Variants in DPP9 observed in about 807,000 individuals in gnomAD.
DPP9 encodes the protein dipeptidyl peptidase IV-related protein-2.
DPP9 carries 50 observed loss-of-function variants against 110.7 expected under a neutral mutation model. That is an observed-to-expected ratio of 0.45 (90% CI 0.36 to 0.57). DPP9 has a LOEUF of 0.57. Ranked by LOEUF, DPP9 falls within the 20% of genes least tolerant of loss-of-function variation. The pLI, the probability that DPP9 is intolerant of heterozygous loss-of-function variation, is 0.00. For missense variants in DPP9, 1,022 were observed against 1,217.9 expected, an observed-to-expected ratio of 0.84 and a Z score of 2.39; for synonymous variants, 561 against 514.4, an observed-to-expected ratio of 1.09 and a Z score of -1.23.
intron 13 of DPP9, among the ~76,000 whole-genome samples, 161 bp from the exon 14 acceptor site, chr19:4,691,118 G>C (rs185035091): frequency 2.0e-5 from 3 of 152,250 alleles, no homozygotes; most frequent in Admixed American, 2.0e-4. Flanking sequence ...CGTCAGACCT[G>C]CCACATGGGC....
rs1305337931 is a variant in DPP9 at position 4,690,976 on chromosome 19, G to A, written c.1517-19C>T. The A allele has an allele frequency of 6.3e-7, 1 of 1,594,128 alleles. No individual in the cohort carries two copies. The highest frequency in any genetic ancestry group is 1.3e-5 in the African/African-American group (1 of 74,588). Reference sequence around the variant, plus strand: ...AATTCATCTGGAAAGAAAGAAAGAAGGGAGGTGAAGGGGCCTGGGAGGTGA... The same window carrying A: ...AATTCATCTGGAAAGAAAGAAAGAAAGGAGGTGAAGGGGCCTGGGAGGTGA... On this transcript the variant is annotated intron_variant, in intron 13 of 21. Transcript: ENST00000262960.
rs568052112 is a variant in DPP9, at chr19:4,689,036, C to T, written c.1750-144G>A. ...TGTCATGAAACCTCAAAGCTCCACC[C>T]GCTGCTGCAAGGGGGGCACCACTGC... On this transcript the variant is annotated intron_variant, in intron 15 of 21. Coordinates refer to ENST00000262960, the MANE Select transcript of DPP9 (RefSeq NM_139159.5). This position sits in a 1 kb window ranked among gnomAD's most constrained non-coding sequence, Gnocchi z 7.0. 4.1e-5 allele frequency: 44 copies of T among 1,067,964 alleles called. 1 individual carries two copies. The highest frequency in any genetic ancestry group is 2.3e-4 in the South Asian group (11 of 47,516). The allele number at this position is 1,067,964 out of a possible 1,614,324, so 66.2% of individuals were successfully genotyped here. A position where few individuals can be genotyped will look rare whatever the true frequency, so the allele number is the denominator to read the frequency against.
At position 4,694,607 on chromosome 19, in the gene DPP9, G is replaced by A. The variant is rs979128209; in HGVS notation, c.1516+54C>T. ...CCGACCAATGAACAAACAGCATATT[G>A]AACCACACGTGACTAACGCGATGAG... On this transcript the variant is annotated intron_variant, in intron 13 of 21. Transcript: ENST00000262960. The surrounding 1 kb of genome is among the most constrained non-coding windows in gnomAD (Gnocchi z 4.0). 3.2e-6 allele frequency: 5 copies of A among 1,570,432 alleles called. No individual in the cohort carries two copies. The African/African-American group carries it at 4.1e-5, about 13-fold the overall frequency.
chr19:4,685,918 A>G lies in DPP9; in HGVS notation c.1886-147T>C, dbSNP rs7256614. ...TCCCGAGAGTTGATAATTGAAAAAA[A>G]CGTTTTTTTTTCATTAAATAAGATT... On this transcript the variant is annotated intron_variant, in intron 16 of 21. Transcript: ENST00000262960. This position sits in a 1 kb window ranked among gnomAD's most constrained non-coding sequence, Gnocchi z 5.8. The G allele has an allele frequency of 1.1e-6, 1 of 942,828 alleles. No individual in the cohort carries two copies. The highest frequency in any genetic ancestry group is 1.5e-6 in the Non-Finnish European group (1 of 653,616). The allele number at this position is 942,828 out of a possible 1,614,324, so 58.4% of individuals were successfully genotyped here.
chr19:4,699,378 G>A (rs747670395), intron 10 of DPP9, among the ~76,000 whole-genome samples: 12 of 151,942 alleles, frequency 7.9e-5, no homozygotes, highest in African/African-American at 1.2e-4. Flanking sequence ...CTCTGTCTGC[G>A]AGTTCTCCAA....
In DPP9 at chr19:4,710,979, C is replaced by T. The variant is rs1474205480; in HGVS notation, c.313+3102G>A. 2.6e-5 allele frequency among the ~76,000 whole-genome samples: 4 copies of T among 152,192 alleles called. No homozygotes were observed. Among genetic ancestry groups the T allele is most frequent in the Admixed American group, 6.5e-5 (1 of 15,282 alleles). ...CACACACGAGCCACAGGCGACCCGACGATCTCATCTATGCGGAGTCAATCT... is the reference window on the plus strand; with the variant it reads ...CACACACGAGCCACAGGCGACCCGATGATCTCATCTATGCGGAGTCAATCT... On this transcript the variant is annotated intron_variant, in intron 4 of 21. Coordinates refer to ENST00000262960, the MANE Select transcript of DPP9 (RefSeq NM_139159.5). The surrounding 1 kb of genome is among the most constrained non-coding windows in gnomAD (Gnocchi z 5.6).
At chr19:4,692,875 C>T (rs577141968) in intron 13 of DPP9, among the ~76,000 whole-genome samples, 15 of 152,254 alleles carry the variant, frequency 9.9e-5, no homozygotes, top group African/African-American at 2.9e-4. Context: ...CTGCACTGGC[C>T]GCATCCCACC....
At chr19:4,683,751 CCCCCTGT>C (rs1445347632) in intron 18 of DPP9, 122 bp from the exon 19 acceptor site, 1 of 1,597,528 alleles carries the variant, frequency 6.3e-7, no homozygotes, top group African/African-American at 1.3e-5. Flanking sequence ...TCGCTGGAAG[CCCCCTGT>C]CCTTCCAGGC....
At chr19:4,697,133 A>G (rs977868353) in intron 11 of DPP9, among the ~76,000 whole-genome samples, 2 of 151,164 alleles carry the variant, frequency 1.3e-5, no homozygotes, top group Non-Finnish European at 2.9e-5. Flanking sequence ...GAATTTGCCC[A>G]CTGGGGTTTG....
At position 4,682,787 on chromosome 19, in the gene DPP9, A is replaced by G. The variant is rs1206017353; in HGVS notation, c.2383T>C (p.Tyr795His). Residue 795 changes from tyrosine (Y) to histidine (H), a missense_variant, in exon 20 of 22, where the codon TAC becomes CAC. By Grantham distance (83) the Tyr-to-His change is moderately conservative. Transcript: ENST00000262960. This position sits in a 1 kb window ranked among gnomAD's most constrained non-coding sequence, Gnocchi z 7.1. ...VTVWMAYDTG[Y>H]TERYMDVPEN... is the part of the protein sequence containing the mutation. ...GGGACGTCCATGTAGCGCTCAGTGT[A>G]CCCTGTGTCGTAGGCCATCCAGACG... 1 of 1,599,872 alleles carries G rather than the reference A, an allele frequency of 6.3e-7. No homozygotes were observed. Among genetic ancestry groups the G allele is most frequent in the Non-Finnish European group, 8.5e-7 (1 of 1,173,718 alleles).
At chr19:4,697,788 G>A (rs1157947659) in intron 10 of DPP9, 137 bp from the exon 11 acceptor site, 20 of 667,102 alleles carry the variant, frequency 3.0e-5, no homozygotes, top group Middle Eastern at 2.6e-4. Flanking sequence ...ACCCCAGAAC[G>A]CAACCTTCTT....
rs199614382 is a variant in DPP9 at position 4,688,922 on chromosome 19, C to A, written c.1750-30G>T. 538 of 1,506,454 alleles carry A rather than the reference C, an allele frequency of 3.6e-4. 7 individuals carry two copies. In the South Asian group the frequency reaches 5.9e-3, roughly 16 times the overall value. 93.3% of individuals were successfully genotyped at this position (1,506,454 alleles called of 1,614,324 possible). A position where few individuals can be genotyped will look rare whatever the true frequency, so the allele number is the denominator to read the frequency against. On this transcript the variant is annotated intron_variant, in intron 15 of 21. Coordinates refer to ENST00000262960, the MANE Select transcript of DPP9 (RefSeq NM_139159.5). ...GGGTGGAATGGGGTGATGAGCTCCA[C>A]GGGATGCCGCTGCGCCCTTTCCACT...
rs766765992 is a variant in DPP9, at chr19:4,679,957, G to A, written c.2475-11C>T. On this transcript the variant is annotated splice_polypyrimidine_tract_variant and intron_variant, in intron 20 of 21. Coordinates refer to ENST00000262960, the MANE Select transcript of DPP9 (RefSeq NM_139159.5). ...AGCAAGCGGTTGGGCCTGGAAAACA[G>A]ATGGGGAAGGGTCTGAGGCCAGGGA... 3.7e-6 allele frequency: 6 copies of A among 1,601,072 alleles called. No individual in the cohort carries two copies. The highest frequency in any genetic ancestry group is 5.1e-6 in the Non-Finnish European group (6 of 1,171,470).
At chr19:4,688,711 GC>G in intron 16 of DPP9, 45 bp downstream of exon 16, 1 of 1,379,680 alleles carries the variant, frequency 7.2e-7, no homozygotes, top group East Asian at 3.0e-5. Flanking sequence ...CCGTTTTACA[GC>G]CGGGCGGGCG....
At chr19:4,699,584 T>C (rs1358069324) in intron 10 of DPP9, among the ~76,000 whole-genome samples, 1 of 152,046 alleles carries the variant, frequency 6.6e-6, no homozygotes, top group African/African-American at 2.4e-5. Context: ...TGTGGTCTGC[T>C]GGTGACCGCC....
At position 4,694,174 on chromosome 19, in the gene DPP9, A is replaced by G. The variant is rs1324856701; in HGVS notation, c.1516+487T>C. 1 of 182,122 alleles carries G rather than the reference A, an allele frequency of 5.5e-6. No homozygotes were observed. Among genetic ancestry groups the G allele is most frequent in the Non-Finnish European group, 1.1e-5 (1 of 88,570 alleles). 11.3% of individuals were successfully genotyped at this position (182,122 alleles called of 1,614,324 possible). On this transcript the variant is annotated intron_variant, in intron 13 of 21. Coordinates refer to ENST00000262960, the MANE Select transcript of DPP9 (RefSeq NM_139159.5). The surrounding 1 kb of genome is among the most constrained non-coding windows in gnomAD (Gnocchi z 4.0). Reference sequence around the variant, plus strand: ...CCTTTTTCTTTATTTACAGTGAACAATTCCATCACAGCTACCTACAGCAGG... The same window carrying G: ...CCTTTTTCTTTATTTACAGTGAACAGTTCCATCACAGCTACCTACAGCAGG...
At position 4,700,026 on chromosome 19, in the gene DPP9, C is replaced by A. The variant is rs541444552; in HGVS notation, c.1074+190G>T. ...GTGAGGCAGGGAGGCCAGCTCGCCA[C>A]GCCGCATTCTAGGCACAGGTCCAGA... is the stretch of plus-strand genomic sequence containing the variant. On this transcript the variant is annotated intron_variant, in intron 10 of 21. Coordinates refer to ENST00000262960, the MANE Select transcript of DPP9 (RefSeq NM_139159.5). The surrounding 1 kb of genome is among the most constrained non-coding windows in gnomAD (Gnocchi z 4.3). Among the ~76,000 whole-genome samples, 2 of 152,200 alleles carry A rather than the reference C, an allele frequency of 1.3e-5. No homozygotes were observed. The highest frequency in any genetic ancestry group is 2.9e-5 in the Non-Finnish European group (2 of 68,032).
At position 4,701,991 on chromosome 19, in the gene DPP9, C is replaced by G. The variant is rs776434908; in HGVS notation, c.1012+36G>C. On this transcript the variant is annotated intron_variant, in intron 9 of 21. Transcript: ENST00000262960. ...CAGCCATGCCCCAGGGGCCTCAGAT[C>G]CCCGGCCCAGCCCCTCACATGTACC... is the stretch of plus-strand genomic sequence containing the variant. The G allele has an allele frequency of 5.0e-6, 8 of 1,601,236 alleles. No individual in the cohort carries two copies. The African/African-American group carries it at 8.0e-5, about 16-fold the overall frequency.
chr19:4,691,734 A>G (rs536176902), intron 13 of DPP9, among the ~76,000 whole-genome samples: 3 of 147,718 alleles, frequency 2.0e-5, no homozygotes, highest in South Asian at 2.1e-4. Flanking sequence ...CTGGAGTGCA[A>G]TGGCGTGATT....
Sources: allele counts gnomAD v4.1 joint callset (sites outside exome capture counted in the v4.1 genomes callset), GRCh38; gene constraint gnomAD v4.1.1; non-coding constraint Gnocchi (gnomAD v3.1); transcripts MANE v1.5; gene names NCBI Gene and HGNC (gene_info 2026-07-23, HGNC 2026-07-21).